SASS6: variants seen among roughly 807,000 people sequenced by gnomAD.
SASS6 encodes the protein spindle assembly abnormal protein 6 homolog.
A neutral mutation model predicts 94.9 loss-of-function variants in SASS6; 59 were observed. That is an observed-to-expected ratio of 0.62 (90% confidence interval 0.50 to 0.77). The LOEUF (loss-of-function observed/expected upper bound fraction) is 0.77, where lower values mean the gene tolerates loss of function less well. SASS6 is among the 30% of genes least tolerant of loss of function. SASS6 has a pLI of 0.00. For missense variants in SASS6, 698 were observed against 734.1 expected (o/e 0.95, Z 0.57); for synonymous variants, 264 against 270.0 (o/e 0.98, Z 0.22).
chr1:100,090,451 G>A (rs557380291), intron 14 of SASS6, among the ~76,000 whole-genome samples: 27 of 152,218 alleles, frequency 1.8e-4, no homozygotes, highest in South Asian at 8.3e-4. Flanking sequence ...ACTCCTAAGC[G>A]TCAAAGAGAG....
At position 100,085,237 on chromosome 1, in the gene SASS6, C is replaced by G; in HGVS notation, c.*91G>C. 2 of 820,476 alleles carry G rather than the reference C, an allele frequency of 2.4e-6. No homozygotes were observed. Among genetic ancestry groups the G allele is most frequent in the Non-Finnish European group, 4.2e-6 (2 of 474,800 alleles). The allele number at this position is 820,476 out of a possible 1,614,324, so 50.8% of individuals were successfully genotyped here. On this transcript the variant is annotated 3_prime_UTR_variant, in exon 17 of 17. Coordinates refer to ENST00000287482, the MANE Select transcript of SASS6 (RefSeq NM_194292.3). ...TTAACAGCTCAAGTAAAATTTGAAACTTGCTATTTGAGGATCTGGTTTGTG... is the reference window on the plus strand; with the variant it reads ...TTAACAGCTCAAGTAAAATTTGAAAGTTGCTATTTGAGGATCTGGTTTGTG...
intron 2 of SASS6, among the ~76,000 whole-genome samples, chr1:100,123,944 C>A (rs1654385741): frequency 6.6e-6 from 1 of 152,090 alleles, no homozygotes; most frequent in African/African-American, 2.4e-5. Context: ...CTAGAGCTCA[C>A]AAAAAGTACA....
chr1:100,116,807 A>G (rs749681977), intron 7 of SASS6, among the ~76,000 whole-genome samples: 2 of 152,192 alleles, frequency 1.3e-5, no homozygotes, highest in Non-Finnish European at 2.9e-5. Flanking sequence ...ATGATGATGT[A>G]AGTCAGAAGT....
intron 13 of SASS6, among the ~76,000 whole-genome samples, chr1:100,104,274 T>A (rs951830799): frequency 1.3e-5 from 2 of 152,188 alleles, no homozygotes; most frequent in Non-Finnish European, 2.9e-5. Flanking sequence ...TATGAAACAG[T>A]CTTGTTTTTG....
At chr1:100,132,677 C>T in intron 1 of SASS6, 73 bp downstream of exon 1, 1 of 1,265,668 alleles carries the variant, frequency 7.9e-7, no homozygotes, top group Non-Finnish European at 1.2e-6. Context: ...ATCCCACGGG[C>T]CAGAACCGCC....
chr1:100,107,596 A>G (rs1343150533), intron 10 of SASS6, 32 bp downstream of exon 10: 1 of 1,553,172 alleles, frequency 6.4e-7, no homozygotes, highest in African/African-American at 1.4e-5. Context: ...TAATTTAATG[A>G]AATACTAGTC....
rs537362840 is a variant in SASS6 at position 100,131,805 on chromosome 1, CACTT to C, written c.65+941_65+944del. The stretch of plus-strand genomic sequence containing the variant: ...CATTTTTTATGTTACATTTGTACAC[CACTT>C]AGTTTTCACATACGATTTCACACCT... On this transcript the variant is annotated intron_variant, in intron 1 of 16. Coordinates refer to ENST00000287482, the MANE Select transcript of SASS6 (RefSeq NM_194292.3). 1.0e-3 allele frequency among the ~76,000 whole-genome samples: 153 copies of C among 152,318 alleles called. 1 individual carries two copies. The highest frequency in any genetic ancestry group is 3.6e-3 in the African/African-American group (150 of 41,574).
chr1:100,100,156 C>T (rs1652371902), intron 14 of SASS6, among the ~76,000 whole-genome samples: 1 of 152,122 alleles, frequency 6.6e-6, no homozygotes, highest in Non-Finnish European at 1.5e-5. Flanking sequence ...ATCTCAGCTA[C>T]TCGGGAGGCT....
rs1652987780 is a variant in SASS6 at position 100,107,368 on chromosome 1, AACT to A, written c.1326+3_1326+5del. 6.5e-7 allele frequency: 1 copy of A among 1,546,050 alleles called. No homozygotes were observed. The highest frequency in any genetic ancestry group is 1.4e-5 in the African/African-American group (1 of 71,846). ...TTACAACATAAAAATTTAAAATATT[AACT>A]ACCTCTTGCTCTTTAATTCGAAGAG... On this transcript the variant is annotated splice_donor_5th_base_variant and intron_variant, in intron 11 of 16. Coordinates refer to ENST00000287482, the MANE Select transcript of SASS6 (RefSeq NM_194292.3).
At position 100,122,865 on chromosome 1, in the gene SASS6, A is replaced by C. The variant is rs566662374; in HGVS notation, c.206+345T>G. Among the ~76,000 whole-genome samples the C allele has an allele frequency of 1.1e-3, 172 of 152,200 alleles. No homozygotes were observed. In the Middle Eastern group the frequency reaches 0.02, roughly 18 times the overall value. ...CGTGCCTGGCCAATTACTATCTTTA[A>C]TTATAATTAGCATCCTGAAGGATTC... On this transcript the variant is annotated intron_variant, in intron 3 of 16. Transcript: ENST00000287482.
chr1:100,086,502 A>G (rs1651278522), intron 15 of SASS6, among the ~76,000 whole-genome samples: 1 of 142,898 alleles, frequency 7.0e-6, no homozygotes, highest in South Asian at 2.3e-4. Flanking sequence ...TGCTCTGTCT[A>G]TAATGATTTG....
intron 7 of SASS6, among the ~76,000 whole-genome samples, chr1:100,114,262 T>G (rs1274992795): frequency 6.6e-6 from 1 of 152,088 alleles, no homozygotes; most frequent in African/African-American, 2.4e-5. Flanking sequence ...AACTGAAAAA[T>G]GTCCTTATTC....
In SASS6 at chr1:100,084,616, GA is replaced by G. The variant is rs970802663; in HGVS notation, c.*711del. 2.1e-4 allele frequency: 32 copies of G among 151,972 alleles called. 1 individual carries two copies. The highest frequency in any genetic ancestry group is 7.5e-4 in the African/African-American group (31 of 41,426). The allele number at this position is 151,972 out of a possible 1,614,324, so 9.4% of individuals were successfully genotyped here. On this transcript the variant is annotated 3_prime_UTR_variant, in exon 17 of 17. Coordinates refer to ENST00000287482, the MANE Select transcript of SASS6 (RefSeq NM_194292.3). ...ACTGCATAATAAAACTACAAATTGA[GA>G]AAAACTAGATGAGTATAAACATTTA...
chr1:100,132,890 G>T lies in SASS6; in HGVS notation c.-76C>A. ...CTCGGGATTAGCCTGAGAGGTCCGG[G>T]TCCTGATAAAGTTTGAGTTTGGCGC... On this transcript the variant is annotated 5_prime_UTR_variant, in exon 1 of 17. Transcript: ENST00000287482. 1 of 1,383,716 alleles carries T rather than the reference G, an allele frequency of 7.2e-7. No individual in the cohort carries two copies. Among genetic ancestry groups the T allele is most frequent in the Non-Finnish European group, 1.0e-6 (1 of 981,640 alleles). The allele number at this position is 1,383,716 out of a possible 1,614,324, so 85.7% of individuals were successfully genotyped here.
At position 100,085,320 on chromosome 1, in the gene SASS6, C is replaced by T. The variant is rs1229515052; in HGVS notation, c.*8G>A. On this transcript the variant is annotated 3_prime_UTR_variant, in exon 17 of 17. Coordinates refer to ENST00000287482, the MANE Select transcript of SASS6 (RefSeq NM_194292.3). ...AATACCAATAAAAAGTAAAACATGA[C>T]ACTAGAATTAACTGTTTGGTAACTG... The T allele has an allele frequency of 3.2e-6, 5 of 1,544,742 alleles. 1 individual carries two copies. The South Asian group carries it at 4.5e-5, about 14-fold the overall frequency.
intron 14 of SASS6, among the ~76,000 whole-genome samples, chr1:100,098,191 G>A (rs79167992): frequency 0.03 from 4,554 of 151,658 alleles, 90 homozygotes; most frequent in Non-Finnish European, 0.045. Context: ...TAAAAACAAC[G>A]GCAAACTAGC....
intron 2 of SASS6, among the ~76,000 whole-genome samples, chr1:100,123,784 G>C (rs1224795825): frequency 6.6e-6 from 1 of 152,198 alleles, no homozygotes; most frequent in Non-Finnish European, 1.5e-5. Context: ...ACGTTGCCAG[G>C]CTTCTTCCAA....
Position 100,132,795 on chromosome 1 carries a change from T to C in SASS6, c.20A>G (p.His7Arg). The C allele has an allele frequency of 6.2e-7, 1 of 1,614,140 alleles. No individual in the cohort carries two copies. Among genetic ancestry groups the C allele is most frequent in the South Asian group, 1.1e-5 (1 of 91,086 alleles). Residue 7 changes from histidine (H) to arginine (R), a missense_variant, in exon 1 of 17, where the codon CAC becomes CGC. By Grantham distance (29) the His-to-Arg change is conservative. Coordinates refer to ENST00000287482, the MANE Select transcript of SASS6 (RefSeq NM_194292.3). MSQVLF[H>R]QLVPLQVKCK... ...TTTCACCTGCAACGGGACTAGTTGG[T>C]GGAACAGCACTTGGCTCATGTTGGC...
Position 100,085,451 on chromosome 1 carries a change from A to G in SASS6, c.1868-17T>C. Reference sequence around the variant, plus strand: ...TCTGATGGTCTGCAAATGAGGACAAAAAAAGGTTACTGGTATTCATTAAGT... The same window carrying G: ...TCTGATGGTCTGCAAATGAGGACAAGAAAAGGTTACTGGTATTCATTAAGT... On this transcript the variant is annotated splice_polypyrimidine_tract_variant and intron_variant, in intron 16 of 16. Coordinates refer to ENST00000287482, the MANE Select transcript of SASS6 (RefSeq NM_194292.3). The G allele has an allele frequency of 6.3e-7, 1 of 1,588,740 alleles. No homozygotes were observed. Among genetic ancestry groups the G allele is most frequent in the South Asian group, 1.1e-5 (1 of 90,590 alleles).
Sources: gnomAD v4.1 joint callset for allele counts (sites outside exome capture counted in the v4.1 genomes callset) on GRCh38, gnomAD v4.1.1 for gene constraint, MANE v1.5 for transcripts, NCBI Gene and HGNC (gene_info 2026-07-23, HGNC 2026-07-21) for gene names.